Variants in DNAJC1 observed in about 807,000 individuals in gnomAD.
DNAJC1 encodes the protein DnaJ heat shock protein family (Hsp40) member C1.
In DNAJC1, 58 loss-of-function variants were observed where a neutral mutation model predicts 76.6. That is an observed-to-expected ratio of 0.76 (90% confidence interval 0.61 to 0.94). The LOEUF (loss-of-function observed/expected upper bound fraction) is 0.94. Ranked by LOEUF, DNAJC1 falls within the 40% of genes least tolerant of loss-of-function variation. The probability of loss-of-function intolerance (pLI) is 0.00; values close to 1 mark genes in which losing one functional copy is unlikely to be tolerated. For missense variants in DNAJC1, 689 were observed against 677.3 expected, an observed-to-expected ratio of 1.02 and a Z score of -0.19; for synonymous variants, 258 against 267.9, an observed-to-expected ratio of 0.96 and a Z score of 0.36.
chr10:21,816,892 C>T (rs1356989485), intron 8 of DNAJC1, among the ~76,000 whole-genome samples: 11 of 143,114 alleles, frequency 7.7e-5, no homozygotes, highest in African/African-American at 1.5e-4. Context: ...CGGTGGCTCA[C>T]GCCTGTAACC....
intron 8 of DNAJC1, among the ~76,000 whole-genome samples, chr10:21,816,937 A>G (rs931471087): frequency 1.4e-5 from 2 of 145,598 alleles, no homozygotes; most frequent in Non-Finnish European, 1.5e-5. Flanking sequence ...GGTGGATCAC[A>G]AGGTCAGGAG....
chr10:21,961,571 G>A (rs1026635415), intron 1 of DNAJC1, among the ~76,000 whole-genome samples: 1 of 152,170 alleles, frequency 6.6e-6, no homozygotes, highest in African/African-American at 2.4e-5. Context: ...AGGGGTTGGT[G>A]TGGGGGAAGG....
intron 9 of DNAJC1, among the ~76,000 whole-genome samples, chr10:21,805,734 T>C (rs1834875508): frequency 6.6e-6 from 1 of 152,192 alleles, no homozygotes; most frequent in Non-Finnish European, 1.5e-5. Context: ...ATTGTTTTCC[T>C]TTGATTAGGT....
intron 6 of DNAJC1, 79 bp downstream of exon 6, chr10:21,918,700 G>A: frequency 9.5e-7 from 1 of 1,051,226 alleles, no homozygotes; most frequent in Non-Finnish European, 1.4e-6. Flanking sequence ...AGCATTCAGA[G>A]AGCCGACATG....
intron 9 of DNAJC1, among the ~76,000 whole-genome samples, chr10:21,780,607 G>T (rs1834515269): frequency 6.6e-6 from 1 of 152,156 alleles, no homozygotes; most frequent in Admixed American, 6.5e-5. Flanking sequence ...ACGAAATATG[G>T]AAAGGAACAA....
At chr10:21,798,790 C>T (rs1415484564) in intron 9 of DNAJC1, among the ~76,000 whole-genome samples, 2 of 152,182 alleles carry the variant, frequency 1.3e-5, no homozygotes. Flanking sequence ...TCCACAGCTC[C>T]TTAGGGCAAC....
chr10:21,773,760 T>C (rs986096473), intron 9 of DNAJC1, among the ~76,000 whole-genome samples: 8 of 152,178 alleles, frequency 5.3e-5, no homozygotes, highest in Admixed American at 6.5e-5. Context: ...ATAATTGTTA[T>C]ATCTTCCTGA....
Position 22,003,365 on chromosome 10 carries a change from G to T in DNAJC1, c.70C>A (p.Pro24Thr). The change falls in exon 1 of 12, where the codon CCG (proline) becomes ACG (threonine). Residue 24 changes from proline to threonine, a missense_variant. Transcript: ENST00000376980. ...RRQLGLVPFP[P>T]PPPRTPLLWL... is the part of the protein sequence containing the mutation. The stretch of plus-strand genomic sequence containing the variant: ...AGCAGCGGCGTCCGCGGCGGCGGCG[G>T]CGGGAACGGCACCAGCCCGAGCTGG... 7.1e-7 allele frequency: 1 copy of T among 1,410,996 alleles called. No homozygotes were observed. Among genetic ancestry groups the T allele is most frequent in the East Asian group, 3.0e-5 (1 of 33,130 alleles). 87.4% of individuals were successfully genotyped at this position (1,410,996 alleles called of 1,614,324 possible). A position where few individuals can be genotyped will look rare whatever the true frequency, so the allele number is the denominator to read the frequency against.
chr10:21,838,011 G>A (rs1322436451), intron 8 of DNAJC1, among the ~76,000 whole-genome samples: 2 of 149,550 alleles, frequency 1.3e-5, no homozygotes, highest in Non-Finnish European at 3.0e-5. Context: ...GAGGTGGGGG[G>A]CGTCTCCGCC....
chr10:21,874,485 C>T (rs1214040312), intron 8 of DNAJC1, among the ~76,000 whole-genome samples: 1 of 150,976 alleles, frequency 6.6e-6, no homozygotes, highest in Non-Finnish European at 1.5e-5. Flanking sequence ...ATATGCTACA[C>T]TACAAATAAG....
At chr10:21,948,758 G>GT (rs573840621) in intron 1 of DNAJC1, among the ~76,000 whole-genome samples, 117 of 152,200 alleles carry the variant, frequency 7.7e-4, no homozygotes, top group East Asian at 4.4e-3. Context: ...ATTTTAGAAC[G>GT]TATCCCCTAC....
Position 21,882,367 on chromosome 10 carries a change from G to A in DNAJC1, c.893C>T (p.Ser298Phe), listed in dbSNP as rs780385835. The A allele has an allele frequency of 7.5e-6, 12 of 1,598,552 alleles. No individual in the cohort carries two copies. The highest frequency in any genetic ancestry group is 1.4e-5 in the African/African-American group (1 of 73,738). The change falls in exon 8 of 12, where the codon TCT becomes TTT. Residue 298 changes from serine to phenylalanine, a missense_variant. Transcript: ENST00000376980. ...YTPLETTYIQ[S>F]YDHGTSIEEI... ...TTCTATGGAAGTTCCATGATCATAAGACTGAATATATGTAGTTTCTAAAGG... is the reference window on the plus strand; with the variant it reads ...TTCTATGGAAGTTCCATGATCATAAAACTGAATATATGTAGTTTCTAAAGG...
At chr10:21,856,672 T>C (rs949568740) in intron 8 of DNAJC1, among the ~76,000 whole-genome samples, 4 of 152,144 alleles carry the variant, frequency 2.6e-5, no homozygotes, top group African/African-American at 7.2e-5. Context: ...TGGTTTAAAA[T>C]TGGTTACACT....
At chr10:21,846,063 T>A (rs959046723) in intron 8 of DNAJC1, among the ~76,000 whole-genome samples, 2 of 152,178 alleles carry the variant, frequency 1.3e-5, no homozygotes, top group Non-Finnish European at 2.9e-5. Flanking sequence ...CAATTAAAGG[T>A]AGACTGGTAT....
At position 21,919,898 on chromosome 10, in the gene DNAJC1, T is replaced by C; in HGVS notation, c.569A>G (p.Lys190Arg). The change falls in exon 5 of 12, where the codon AAG becomes AGG. Residue 190 changes from lysine (K) to arginine (R), a missense_variant. Lys to Arg is a conservative substitution (Grantham distance 26). Coordinates refer to ENST00000376980, the MANE Select transcript of DNAJC1 (RefSeq NM_022365.4). ...DELLSRKKRE[K>R]KKKTGSKSVD... ...ACTCTTGCTGCCAGTCTTTTTTTTC[T>C]TTTCTCTCTTTTTTCTACTTAGTAG... 1.2e-6 allele frequency: 2 copies of C among 1,607,306 alleles called. No individual in the cohort carries two copies. The highest frequency in any genetic ancestry group is 1.7e-6 in the Non-Finnish European group (2 of 1,178,246).
intron 6 of DNAJC1, among the ~76,000 whole-genome samples, chr10:21,916,143 G>A (rs754542758): frequency 4.6e-5 from 7 of 151,980 alleles, no homozygotes; most frequent in South Asian, 2.1e-4. Context: ...CAAGATTATC[G>A]GTATAGTTTA....
intron 1 of DNAJC1, among the ~76,000 whole-genome samples, chr10:21,952,129 A>G (rs781069081): frequency 6.6e-6 from 1 of 152,204 alleles, no homozygotes; most frequent in Non-Finnish European, 1.5e-5. Flanking sequence ...AATTACTGGC[A>G]ACTACTCTGT....
At chr10:21,854,900 C>T (rs960683574) in intron 8 of DNAJC1, among the ~76,000 whole-genome samples, 2 of 152,056 alleles carry the variant, frequency 1.3e-5, no homozygotes, top group African/African-American at 4.8e-5. Context: ...ATGGCCATCA[C>T]AAGAGAATGG....
chr10:21,763,143 C>A (rs1353450811), intron 10 of DNAJC1, among the ~76,000 whole-genome samples: 1 of 152,160 alleles, frequency 6.6e-6, no homozygotes, highest in Non-Finnish European at 1.5e-5. Context: ...GTTGGCCAGG[C>A]TGGTCTCGAA....
Sources: allele counts gnomAD v4.1 joint callset (sites outside exome capture counted in the v4.1 genomes callset), GRCh38; gene constraint gnomAD v4.1.1; transcripts MANE v1.5; gene names NCBI Gene and HGNC (gene_info 2026-07-23, HGNC 2026-07-21).